The following SPI1 variants were observed in gnomAD, a reference collection of about 807,000 sequenced individuals.
SPI1 encodes the protein Spi-1 proto-oncogene.
SPI1 carries 3 observed loss-of-function variants against 30.7 expected under a neutral mutation model. The observed-to-expected ratio is 0.10, with a 90% CI of 0.04 to 0.25. SPI1 has a LOEUF of 0.25. Ranked by LOEUF, SPI1 falls within the 10% of genes least tolerant of loss-of-function variation. The pLI, the probability that SPI1 is intolerant of heterozygous loss-of-function variation, is 1.00. For missense variants in SPI1, 261 were observed against 371.5 expected (o/e 0.70, Z 2.45); for synonymous variants, 169 against 157.1 (o/e 1.08, Z -0.56).
Position 47,355,359 on chromosome 11 carries a change from C to A in SPI1, c.681G>T (p.Lys227Asn). 6.2e-7 allele frequency: 1 copy of A among 1,613,808 alleles called. No homozygotes were observed. Among genetic ancestry groups the A allele is most frequent in the Non-Finnish European group, 8.5e-7 (1 of 1,179,776 alleles). The change falls in exon 5 of 5, where the codon AAG becomes AAT. Residue 227 changes from lysine to asparagine, a missense_variant. By Grantham distance (94) the Lys-to-Asn change is moderately conservative (BLOSUM62 0). Coordinates refer to ENST00000378538, the MANE Select transcript of SPI1 (RefSeq NM_003120.3). ...KGNRKKMTYQ[K>N]MARALRNYGK... is the part of the protein sequence containing the mutation. ...CGTAGTTGCGCAGCGCGCGCGCCAT[C>A]TTCTGGTAGGTCATCTTCTTGCGGT...
At position 47,359,054 on chromosome 11, in the gene SPI1, G is replaced by A; in HGVS notation, c.331-48C>T. On this transcript the variant is annotated intron_variant, in intron 3 of 4. Transcript: ENST00000378538. This position sits in a 1 kb window ranked among gnomAD's most constrained non-coding sequence, Gnocchi z 5.1. ...CAGAGTCAGGAAGGGCCAGCTTACA[G>A]CTCAGGGGGGCTGGGAGGGAGGTCA... 2 of 1,491,008 alleles carry A rather than the reference G, an allele frequency of 1.3e-6. No homozygotes were observed. Among genetic ancestry groups the A allele is most frequent in the Non-Finnish European group, 1.8e-6 (2 of 1,118,794 alleles). 92.4% of individuals were successfully genotyped at this position (1,491,008 alleles called of 1,614,324 possible). A position where few individuals can be genotyped will look rare whatever the true frequency, so the allele number is the denominator to read the frequency against.
chr11:47,360,553 C>T (rs2095919154), intron 2 of SPI1, among the ~76,000 whole-genome samples: 1 of 152,322 alleles, frequency 6.6e-6, no homozygotes, highest in Admixed American at 6.5e-5. Context: ...CAGGGCCGCG[C>T]GCGGTGGCTC....
chr11:47,378,250 C>T (rs558663747), intron 1 of SPI1, 59 bp downstream of exon 1: 3 of 1,554,192 alleles, frequency 1.9e-6, no homozygotes, highest in Non-Finnish European at 2.6e-6. Flanking sequence ...GGTTCGTGGG[C>T]AGGCAGGCAG....
chr11:47,366,629 C>T lies in SPI1; in HGVS notation c.143-6589G>A, dbSNP rs191202734. The stretch of plus-strand genomic sequence containing the variant: ...CATCAGGAGTTCAAGATCAGCCTGG[C>T]CGACATGTTGAAACCCTGTCTCTAC... On this transcript the variant is annotated intron_variant, in intron 2 of 4. Coordinates refer to ENST00000378538, the MANE Select transcript of SPI1 (RefSeq NM_003120.3). Among the ~76,000 whole-genome samples, 12 of 152,084 alleles carry T rather than the reference C, an allele frequency of 7.9e-5. No individual in the cohort carries two copies. In the East Asian group the frequency reaches 2.3e-3, roughly 29 times the overall value.
At chr11:47,369,863 T>A (rs1305294233) in intron 2 of SPI1, among the ~76,000 whole-genome samples, 1 of 152,142 alleles carries the variant, frequency 6.6e-6, no homozygotes, top group Non-Finnish European at 1.5e-5. Flanking sequence ...GAGACGACCA[T>A]GATAACAAAT....
Position 47,355,261 on chromosome 11 carries a change from C to T in SPI1, c.779G>A (p.Gly260Glu). 6.7e-7 allele frequency: 1 copy of T among 1,502,138 alleles called. No homozygotes were observed. The highest frequency in any genetic ancestry group is 8.9e-7 in the Non-Finnish European group (1 of 1,127,264). The allele number at this position is 1,502,138 out of a possible 1,614,324, so 93.1% of individuals were successfully genotyped here. A position where few individuals can be genotyped will look rare whatever the true frequency, so the allele number is the denominator to read the frequency against. ...CGGGTGGCGCCGCTCGGCCAGGCCC[C>T]CGCGGCCCAGCACTTCGCCGCTGAA... ...YQFSGEVLGR[G>E]GLAERRHPPH The change falls in exon 5 of 5, where the codon GGG becomes GAG. Residue 260 changes from glycine to glutamate, a missense_variant. By Grantham distance (98) the Gly-to-Glu change is moderately conservative (BLOSUM62 -2). Transcript: ENST00000378538.
rs1039752724 is a variant in SPI1, at chr11:47,374,393, C to T, written c.142+1240G>A. On this transcript the variant is annotated intron_variant, in intron 2 of 4. Coordinates refer to ENST00000378538, the MANE Select transcript of SPI1 (RefSeq NM_003120.3). The surrounding 1 kb of genome is among the most constrained non-coding windows in gnomAD (Gnocchi z 4.5). ...CCCAGCTGTGGCCTGGAGGCATATC[C>T]GCCTACCCCTGGGATATGGCTTCCA... is the stretch of plus-strand genomic sequence containing the variant. Among the ~76,000 whole-genome samples, 12 of 152,202 alleles carry T rather than the reference C, an allele frequency of 7.9e-5. No individual in the cohort carries two copies. The highest frequency in any genetic ancestry group is 1.9e-4 in the African/African-American group (8 of 41,446).
chr11:47,358,402 C>T, intron 4 of SPI1: 1 of 625,822 alleles, frequency 1.6e-6, no homozygotes, highest in South Asian at 1.8e-5. Flanking sequence ...ACGTGCACAG[C>T]TGCTCACACG....
intron 2 of SPI1, among the ~76,000 whole-genome samples, chr11:47,370,535 C>G (rs1459688074): frequency 6.6e-6 from 1 of 151,792 alleles, no homozygotes; most frequent in Non-Finnish European, 1.5e-5. Context: ...AACCCCATCT[C>G]TACTAAAAAT....
At chr11:47,372,928 G>A (rs1387245089) in intron 2 of SPI1, among the ~76,000 whole-genome samples, 2 of 152,208 alleles carry the variant, frequency 1.3e-5, no homozygotes, top group South Asian at 4.1e-4. Flanking sequence ...TGGAGCCAGG[G>A]CTGGGCCAAA....
Position 47,359,705 on chromosome 11 carries a change from C to G in SPI1, c.330+148G>C. ...TCATGAGGTCACTTGGGGGGTCAGG[C>G]GGCAGCCGTTGGAGCTCCAGCCGCC... On this transcript the variant is annotated intron_variant, in intron 3 of 4. Transcript: ENST00000378538. This position sits in a 1 kb window ranked among gnomAD's most constrained non-coding sequence, Gnocchi z 5.1. 1 of 798,018 alleles carries G rather than the reference C, an allele frequency of 1.3e-6. No individual in the cohort carries two copies. Among genetic ancestry groups the G allele is most frequent in the Non-Finnish European group, 2.0e-6 (1 of 504,380 alleles). 49.4% of individuals were successfully genotyped at this position (798,018 alleles called of 1,614,324 possible). A position where few individuals can be genotyped will look rare whatever the true frequency, so the allele number is the denominator to read the frequency against.
At position 47,375,536 on chromosome 11, in the gene SPI1, A is replaced by C; in HGVS notation, c.142+97T>G. The stretch of plus-strand genomic sequence containing the variant: ...AACTTGATCTGATTCTCAGAATTCC[A>C]AAGAAGTCCTGGGAATCATTTATTC... On this transcript the variant is annotated intron_variant, in intron 2 of 4. Coordinates refer to ENST00000378538, the MANE Select transcript of SPI1 (RefSeq NM_003120.3). This position sits in a 1 kb window ranked among gnomAD's most constrained non-coding sequence, Gnocchi z 4.2. 13 of 992,354 alleles carry C rather than the reference A, an allele frequency of 1.3e-5. No individual in the cohort carries two copies. The highest frequency in any genetic ancestry group is 2.1e-5 in the Non-Finnish European group (13 of 633,064). The allele number at this position is 992,354 out of a possible 1,614,324, so 61.5% of individuals were successfully genotyped here. A position where few individuals can be genotyped will look rare whatever the true frequency, so the allele number is the denominator to read the frequency against.
intron 1 of SPI1, among the ~76,000 whole-genome samples, chr11:47,377,315 G>T (rs1402067561): frequency 6.6e-6 from 1 of 152,144 alleles, no homozygotes; most frequent in East Asian, 1.9e-4. Context: ...GCTGCCTCTA[G>T]ACCAGGAAAG....
chr11:47,377,007 C>CT (rs555271019), intron 1 of SPI1, among the ~76,000 whole-genome samples: 3 of 152,206 alleles, frequency 2.0e-5, no homozygotes, highest in Non-Finnish European at 4.4e-5. Context: ...AGAATTGGCT[C>CT]TTTCTGAGAC....
intron 1 of SPI1, among the ~76,000 whole-genome samples, 164 bp downstream of exon 1, chr11:47,378,145 A>G (rs553028233): frequency 2.5e-4 from 38 of 152,356 alleles, no homozygotes; most frequent in African/African-American, 7.9e-4. Context: ...GAGGAAGCCA[A>G]TGGCCCCCTC....
Position 47,375,535 on chromosome 11 carries a change from C to T in SPI1, c.142+98G>A. ...AAACTTGATCTGATTCTCAGAATTC[C>T]AAAGAAGTCCTGGGAATCATTTATT... is the stretch of plus-strand genomic sequence containing the variant. On this transcript the variant is annotated intron_variant, in intron 2 of 4. Transcript: ENST00000378538. The surrounding 1 kb of genome is among the most constrained non-coding windows in gnomAD (Gnocchi z 4.2). The T allele has an allele frequency of 6.1e-6, 6 of 987,814 alleles. No individual in the cohort carries two copies. Among genetic ancestry groups the T allele is most frequent in the South Asian group, 4.1e-5 (3 of 73,380 alleles). 61.2% of individuals were successfully genotyped at this position (987,814 alleles called of 1,614,324 possible).
intron 4 of SPI1, chr11:47,358,433 T>C: frequency 3.2e-6 from 2 of 634,290 alleles, no homozygotes; most frequent in South Asian, 3.5e-5. Context: ...CATTCATGTG[T>C]TGACAGACAC....
At chr11:47,358,700 A>T in intron 4 of SPI1, 144 bp downstream of exon 4, 1 of 859,082 alleles carries the variant, frequency 1.2e-6, no homozygotes, top group Non-Finnish European at 1.9e-6. Context: ...AGACAGCCCC[A>T]CAAAACACAC....
In SPI1 at chr11:47,355,395, G is replaced by A; in HGVS notation, c.645C>T (p.Ile215=). 4 of 1,613,876 alleles carry A rather than the reference G, an allele frequency of 2.5e-6. No homozygotes were observed. In the South Asian group the frequency reaches 4.4e-5, roughly 18 times the overall value. ...HKEALAHRWG[I]QKGNRKKMTY... ...TCATCTTCTTGCGGTTGCCCTTCTG[G>A]ATGCCCCAGCGGTGCGCCAGCGCCT... The change falls in exon 5 of 5, where the codon ATC becomes ATT. Residue 215 remains isoleucine (I), a synonymous_variant. Coordinates refer to ENST00000378538, the MANE Select transcript of SPI1 (RefSeq NM_003120.3).
Sources: allele counts gnomAD v4.1 joint callset (sites outside exome capture counted in the v4.1 genomes callset), GRCh38; gene constraint gnomAD v4.1.1; non-coding constraint Gnocchi (gnomAD v3.1); transcripts MANE v1.5; gene names NCBI Gene and HGNC (gene_info 2026-07-23, HGNC 2026-07-21).